Variants in WFDC1 observed in about 807,000 individuals in gnomAD.
WFDC1 encodes WAP four-disulfide core domain 1, also known as WAP four-disulfide core domain protein 1.
Under a neutral mutation model 32.9 loss-of-function variants are expected in WFDC1, and 39 were observed. That is an observed-to-expected ratio of 1.19 (90% confidence interval 0.92 to 1.55). WFDC1 has a LOEUF of 1.55. Ranked by LOEUF, WFDC1 falls within the 40% of genes most tolerant of loss-of-function variation. WFDC1 has a pLI of 0.00. For synonymous variants in WFDC1, 184 were observed against 137.4 expected (o/e 1.34, Z -2.37); for missense variants, 386 against 309.5 (o/e 1.25, Z -1.85).
chr16:84,310,213 G>C (rs947773065), intron 1 of WFDC1, among the ~76,000 whole-genome samples: 5 of 151,814 alleles, frequency 3.3e-5, no homozygotes, highest in African/African-American at 1.2e-4. Context: ...AGAAGCGGGG[G>C]TGGTGTGGCC....
chr16:84,304,779 A>T (rs1017929453), intron 1 of WFDC1, among the ~76,000 whole-genome samples: 1 of 152,182 alleles, frequency 6.6e-6, no homozygotes. Context: ...AGGCAACATA[A>T]GCTGGGAGGG....
At chr16:84,307,697 A>T (rs1480917239) in intron 1 of WFDC1, among the ~76,000 whole-genome samples, 2 of 152,174 alleles carry the variant, frequency 1.3e-5, no homozygotes, top group African/African-American at 4.8e-5. Flanking sequence ...GCGGAAAAAT[A>T]AGCCGCCCCC....
chr16:84,306,769 T>TTCATCA (rs56850546), intron 1 of WFDC1, among the ~76,000 whole-genome samples: 54,071 of 151,358 alleles, frequency 0.36, 10,023 homozygotes, highest in Middle Eastern at 0.46. Context: ...CATCCTCATC[T>TTCATCA]TCATCATCAT....
At chr16:84,327,232 C>G in intron 6 of WFDC1, 1 of 386,920 alleles carries the variant, frequency 2.6e-6, no homozygotes, top group South Asian at 3.1e-5. Flanking sequence ...ACTCTGTCAC[C>G]CAGGCTGGAG....
rs1279109798 is a variant in WFDC1, at chr16:84,295,131, G to C, written c.144+16G>C. On this transcript the variant is annotated intron_variant, in intron 1 of 6. Transcript: ENST00000219454. The stretch of plus-strand genomic sequence containing the variant: ...GAAATCCCGTGTAAGTGCCTGGGAT[G>C]GGGAGGCTGGGGCAGCCTGTGTGGG... 4 of 1,612,578 alleles carry C rather than the reference G, an allele frequency of 2.5e-6. No homozygotes were observed. The East Asian group carries it at 8.9e-5, about 36-fold the overall frequency.
At chr16:84,314,226 G>C (rs1907818870) in intron 2 of WFDC1, among the ~76,000 whole-genome samples, 1 of 152,194 alleles carries the variant, frequency 6.6e-6, no homozygotes. Context: ...CGGAGTTTCA[G>C]ATCCCTTTTG....
intron 4 of WFDC1, among the ~76,000 whole-genome samples, chr16:84,322,771 G>A (rs181471650): frequency 2.0e-5 from 3 of 152,284 alleles, no homozygotes; most frequent in Admixed American, 2.0e-4. Flanking sequence ...TAGTAAATCT[G>A]GTTTTTCAGA....
chr16:84,323,589 A>T (rs74488656), intron 4 of WFDC1, among the ~76,000 whole-genome samples: 2,565 of 152,318 alleles, frequency 0.017, 72 homozygotes, highest in African/African-American at 0.059. Context: ...TGTTTCTTTT[A>T]ATCCTCACAA....
intron 1 of WFDC1, among the ~76,000 whole-genome samples, chr16:84,297,178 G>C (rs1319507992): frequency 6.6e-6 from 1 of 152,136 alleles, no homozygotes; most frequent in Non-Finnish European, 1.5e-5. Flanking sequence ...GCCTGGGTGG[G>C]CTGCAGGAGC....
At chr16:84,327,297 C>G (rs1040222062) in intron 6 of WFDC1, 1 of 234,892 alleles carries the variant, frequency 4.3e-6, no homozygotes, top group South Asian at 7.6e-5. Flanking sequence ...CTCAAGCCAT[C>G]CTCCTGCCTC....
intron 5 of WFDC1, among the ~76,000 whole-genome samples, chr16:84,325,161 T>C (rs550636894): frequency 2.0e-5 from 3 of 151,720 alleles, no homozygotes; most frequent in Admixed American, 6.6e-5. Flanking sequence ...CATCCATCCA[T>C]TCATACATAC....
intron 1 of WFDC1, among the ~76,000 whole-genome samples, chr16:84,309,616 A>T (rs1376474678): frequency 6.6e-6 from 1 of 152,018 alleles, no homozygotes; most frequent in East Asian, 1.9e-4. Flanking sequence ...AGCCAACAGA[A>T]ATGAATTGTC....
intron 2 of WFDC1, among the ~76,000 whole-genome samples, chr16:84,315,132 G>A (rs1342670692): frequency 6.6e-6 from 1 of 152,176 alleles, no homozygotes; most frequent in African/African-American, 2.4e-5. Flanking sequence ...CCCCTGCCCT[G>A]GCACCTGTAC....
chr16:84,305,361 A>G (rs962833022), intron 1 of WFDC1, among the ~76,000 whole-genome samples: 4 of 152,342 alleles, frequency 2.6e-5, no homozygotes, highest in African/African-American at 7.2e-5. Flanking sequence ...CTCCGAGGGC[A>G]GTGCTCTTGC....
At chr16:84,297,586 C>T (rs1005792112) in intron 1 of WFDC1, among the ~76,000 whole-genome samples, 9 of 143,430 alleles carry the variant, frequency 6.3e-5, no homozygotes, top group Admixed American at 3.7e-4. Context: ...CATTGCACTC[C>T]AGCCTGGGCA....
intron 2 of WFDC1, among the ~76,000 whole-genome samples, chr16:84,313,469 A>G (rs914473915): frequency 6.6e-6 from 1 of 152,214 alleles, no homozygotes; most frequent in African/African-American, 2.4e-5. Context: ...TCCAGCAGAC[A>G]CCCATTCCCG....
At chr16:84,322,160 C>CGTGCGT (rs1555546147) in intron 4 of WFDC1, among the ~76,000 whole-genome samples, 1 of 142,186 alleles carries the variant, frequency 7.0e-6, no homozygotes, top group African/African-American at 2.6e-5. Context: ...TGTGTGTGTG[C>CGTGCGT]GTGTGTGTGT....
chr16:84,311,527 C>CA lies in WFDC1; in HGVS notation c.145-1434_145-1433insA, dbSNP rs1555544770. Among the ~76,000 whole-genome samples the CA allele has an allele frequency of 4.2e-4, 37 of 88,686 alleles. 1 individual carries two copies. Among genetic ancestry groups the CA allele is most frequent in the Non-Finnish European group, 6.5e-4 (32 of 49,210 alleles). The allele number at this position is 88,686 out of a possible 152,430, so 58.2% of individuals were successfully genotyped here. On this transcript the variant is annotated intron_variant, in intron 1 of 6. Transcript: ENST00000219454. ...ACAGGTGTGAGCCACTGCGCCTGGACTTTTTTTTTTTTTTTTTTTTTAACA... is the reference window on the plus strand; with the variant it reads ...ACAGGTGTGAGCCACTGCGCCTGGACATTTTTTTTTTTTTTTTTTTTTAACA...
chr16:84,321,371 T>C lies in WFDC1; in HGVS notation c.562+1800T>C, dbSNP rs376111061. ...TGGGTGGGTGGGGTGTATGGTCCTT[T>C]GGAGGTAAAACCGCAAGGGCCTGCC... On this transcript the variant is annotated intron_variant, in intron 4 of 6. Coordinates refer to ENST00000219454, the MANE Select transcript of WFDC1 (RefSeq NM_021197.4). Among the ~76,000 whole-genome samples, 4 of 152,178 alleles carry C rather than the reference T, an allele frequency of 2.6e-5. No individual in the cohort carries two copies. In the East Asian group the frequency reaches 7.7e-4, roughly 29 times the overall value.
Sources: allele counts gnomAD v4.1 joint callset (sites outside exome capture counted in the v4.1 genomes callset), GRCh38; gene constraint gnomAD v4.1.1; transcripts MANE v1.5; gene names NCBI Gene and HGNC (gene_info 2026-07-23, HGNC 2026-07-21).